The following SYN3 variants were observed in gnomAD, a reference collection of about 807,000 sequenced individuals.
The protein encoded by SYN3 is synapsin-3.
Under a neutral mutation model 65.8 loss-of-function variants are expected in SYN3, and 35 were observed. That is an observed-to-expected ratio of 0.53 (90% CI 0.41 to 0.70). The LOEUF (loss-of-function observed/expected upper bound fraction) is 0.70. SYN3 is among the 30% of genes least tolerant of loss of function. The probability of loss-of-function intolerance (pLI) is 0.00; values close to 1 mark genes in which losing one functional copy is unlikely to be tolerated. For missense variants in SYN3, 680 were observed against 749.0 expected (o/e 0.91, Z 1.08); for synonymous variants, 270 against 292.9 (o/e 0.92, Z 0.80).
chr22:32,781,964 G>A (rs550261291), intron 6 of SYN3, among the ~76,000 whole-genome samples: 7 of 151,784 alleles, frequency 4.6e-5, no homozygotes, highest in African/African-American at 1.7e-4. Flanking sequence ...CCTTCCATGT[G>A]TTCTCCTCTT....
intron 6 of SYN3, among the ~76,000 whole-genome samples, chr22:32,634,061 G>T (rs2059782414): frequency 6.6e-6 from 1 of 152,218 alleles, no homozygotes; most frequent in Admixed American, 6.5e-5. Flanking sequence ...AGATAAAAAT[G>T]GAAGCAATAC....
At chr22:32,892,985 A>C (rs562323160) in intron 4 of SYN3, among the ~76,000 whole-genome samples, 2 of 152,296 alleles carry the variant, frequency 1.3e-5, no homozygotes, top group Non-Finnish European at 1.5e-5. Flanking sequence ...GAAACCAGGA[A>C]ATGCCCAAGA....
intron 6 of SYN3, among the ~76,000 whole-genome samples, chr22:32,711,534 T>G (rs2060965831): frequency 6.6e-6 from 1 of 152,148 alleles, no homozygotes; most frequent in Non-Finnish European, 1.5e-5. Flanking sequence ...GTGTTGTGTT[T>G]ATGGAGAAGA....
intron 6 of SYN3, among the ~76,000 whole-genome samples, chr22:32,797,394 AAAG>A (rs2046454678): frequency 1.3e-5 from 2 of 152,148 alleles, no homozygotes; most frequent in South Asian, 4.1e-4. Context: ...AAGTATTGTC[AAAG>A]AAGTTGATAC....
At chr22:32,942,980 T>C (rs2050986872) in intron 3 of SYN3, among the ~76,000 whole-genome samples, 1 of 152,180 alleles carries the variant, frequency 6.6e-6, no homozygotes, top group Non-Finnish European at 1.5e-5. Flanking sequence ...CTGGTGTACC[T>C]GAAAGTGACT....
At chr22:32,952,284 A>ATG (rs1209442633) in intron 3 of SYN3, among the ~76,000 whole-genome samples, 6 of 147,480 alleles carry the variant, frequency 4.1e-5, no homozygotes, top group African/African-American at 1.5e-4. Flanking sequence ...CATGTGAATA[A>ATG]TGTGTGTGTG....
intron 6 of SYN3, among the ~76,000 whole-genome samples, chr22:32,653,017 A>T (rs1450826859): frequency 6.6e-6 from 1 of 152,206 alleles, no homozygotes; most frequent in Admixed American, 6.5e-5. Flanking sequence ...CTTGGCCTAG[A>T]GGCAATATTA....
chr22:32,764,141 C>A (rs942952289), intron 6 of SYN3, among the ~76,000 whole-genome samples: 1 of 152,084 alleles, frequency 6.6e-6, no homozygotes, highest in Non-Finnish European at 1.5e-5. Flanking sequence ...CGGGGTTTCT[C>A]CAGGTTGGCC....
chr22:33,019,883 A>G (rs2053532627), intron 1 of SYN3, among the ~76,000 whole-genome samples: 1 of 152,180 alleles, frequency 6.6e-6, no homozygotes, highest in South Asian at 2.1e-4. Context: ...ATGAGCCACC[A>G]CGCCCAGCCC....
chr22:32,707,379 C>T (rs1048685835), intron 6 of SYN3, among the ~76,000 whole-genome samples: 1 of 152,188 alleles, frequency 6.6e-6, no homozygotes, highest in African/African-American at 2.4e-5. Context: ...ACTCCTAGAC[C>T]TCAACTTGTA....
chr22:32,776,222 CT>C (rs977215132), intron 6 of SYN3, among the ~76,000 whole-genome samples: 8 of 151,458 alleles, frequency 5.3e-5, no homozygotes, highest in East Asian at 1.9e-4. Context: ...TGGCGACACC[CT>C]TTTTTTTTCA....
intron 7 of SYN3, among the ~76,000 whole-genome samples, chr22:32,578,578 G>A (rs1006585396): frequency 2.6e-5 from 4 of 152,136 alleles, no homozygotes; most frequent in Non-Finnish European, 2.9e-5. Context: ...CTGTGAGTTT[G>A]AAATTGGTCA....
At chr22:32,973,871 C>A (rs549222967) in intron 3 of SYN3, among the ~76,000 whole-genome samples, 86 of 152,380 alleles carry the variant, frequency 5.6e-4, no homozygotes, top group African/African-American at 1.8e-3. Context: ...CCACTGCAAC[C>A]TCTGCCTCCT....
At chr22:32,524,940 G>A (rs891022216) in intron 12 of SYN3, among the ~76,000 whole-genome samples, 15 of 152,282 alleles carry the variant, frequency 9.9e-5, no homozygotes, top group East Asian at 5.8e-4. Flanking sequence ...ACCAGGACCC[G>A]CGAGGTGGAG....
At chr22:33,014,336 G>A (rs1006965878) in intron 1 of SYN3, 54 of 152,172 alleles carry the variant, frequency 3.5e-4, no homozygotes, top group African/African-American at 1.3e-3. Context: ...TGGGTATAAT[G>A]CTGCAATGAA....
intron 6 of SYN3, among the ~76,000 whole-genome samples, chr22:32,631,699 A>G (rs2059749642): frequency 6.6e-6 from 1 of 152,212 alleles, no homozygotes; most frequent in Non-Finnish European, 1.5e-5. Flanking sequence ...TTTACATTCA[A>G]TATCTCATTT....
chr22:32,801,412 G>C lies in SYN3; in HGVS notation c.711+63503C>G, dbSNP rs1281137007. 6.6e-6 allele frequency among the ~76,000 whole-genome samples: 1 copy of C among 152,250 alleles called. No individual in the cohort carries two copies. Among genetic ancestry groups the C allele is most frequent in the Non-Finnish European group, 1.5e-5 (1 of 68,048 alleles). On this transcript the variant is annotated intron_variant, in intron 6 of 13. Coordinates refer to ENST00000358763, the MANE Select transcript of SYN3 (RefSeq NM_003490.4). This position sits in a 1 kb window ranked among gnomAD's most constrained non-coding sequence, Gnocchi z 4.7. ...CAGGTGGGCGTGGGGCCAGGGCGCA[G>C]ACGAGAAGGGGCACGAGGGCTCCGC...
chr22:32,545,112 T>A (rs1246296231), intron 7 of SYN3, among the ~76,000 whole-genome samples: 2 of 152,214 alleles, frequency 1.3e-5, no homozygotes, highest in Admixed American at 1.3e-4. Flanking sequence ...TTTGTACTCC[T>A]CGCTTCTCTC....
Position 32,730,779 on chromosome 22 carries a change from G to A in SYN3, c.712-134043C>T, listed in dbSNP as rs192694069. Among the ~76,000 whole-genome samples, 25 of 152,248 alleles carry A rather than the reference G, an allele frequency of 1.6e-4. No individual in the cohort carries two copies. The East Asian group carries it at 4.4e-3, about 27-fold the overall frequency. On this transcript the variant is annotated intron_variant, in intron 6 of 13. Transcript: ENST00000358763. The stretch of plus-strand genomic sequence containing the variant: ...ACTAATACAGATCTCAAAGCCTTCC[G>A]TGTCTTACCTTTACCTACCCAACAC...
Sources: allele counts gnomAD v4.1 joint callset (sites outside exome capture counted in the v4.1 genomes callset), GRCh38; gene constraint gnomAD v4.1.1; non-coding constraint Gnocchi (gnomAD v3.1); transcripts MANE v1.5; gene names NCBI Gene and HGNC (gene_info 2026-07-23, HGNC 2026-07-21).